FBN1: variants seen among roughly 807,000 people sequenced by gnomAD.
The protein encoded by FBN1 is fibrillin-1.
A neutral mutation model predicts 365.1 loss-of-function variants in FBN1; 29 were observed. The ratio of observed to expected loss-of-function variants is 0.08; its 90% CI spans 0.06 to 0.11. FBN1 has a LOEUF of 0.11. Among genes scored for constraint, FBN1 ranks in the 10% least tolerant of loss-of-function variants. FBN1 has a pLI of 1.00. For missense variants in FBN1, 2,476 were observed against 3,703.2 expected (o/e 0.67, Z 8.60); for synonymous variants, 1,210 against 1,270.5 (o/e 0.95, Z 1.01).
intron 44 of FBN1, among the ~76,000 whole-genome samples, chr15:48,455,501 A>G (rs903145009): frequency 6.6e-6 from 1 of 152,128 alleles, no homozygotes; most frequent in African/African-American, 2.4e-5. Context: ...AGAGGGGGAA[A>G]AGTGCGGCTG....
At chr15:48,424,896 A>T (rs2042966610) in intron 60 of FBN1, among the ~76,000 whole-genome samples, 1 of 152,222 alleles carries the variant, frequency 6.6e-6, no homozygotes, top group South Asian at 2.1e-4. Context: ...ACAGGGCAGA[A>T]ATAGACTTTT....
chr15:48,537,744 C>A lies in FBN1; in HGVS notation c.603G>T (p.Gly201=). Reference sequence around the variant, plus strand: ...AGCAGAGCGTTTTTGTGCAGACAATCCCGCTGAGTTGTCCCTGGCACATCT... The same window carrying A: ...AGCAGAGCGTTTTTGTGCAGACAATACCGCTGAGTTGTCCCTGGCACATCT... ...SNQMCQGQLS[G]IVCTKTLCCA... is the part of the protein sequence containing the mutation. The change falls in exon 7 of 66, where the codon GGG becomes GGT. Residue 201 remains glycine (G), a synonymous_variant. Coordinates refer to ENST00000316623, the MANE Select transcript of FBN1 (RefSeq NM_000138.5). The A allele has an allele frequency of 6.2e-7, 1 of 1,614,212 alleles. No individual in the cohort carries two copies. The highest frequency in any genetic ancestry group is 8.5e-7 in the Non-Finnish European group (1 of 1,180,032).
chr15:48,435,817 T>A (rs1759984349), intron 53 of FBN1, among the ~76,000 whole-genome samples: 1 of 151,126 alleles, frequency 6.6e-6, no homozygotes, highest in African/African-American at 2.4e-5. Flanking sequence ...TGTGTATATA[T>A]GCCTTCTAAC....
chr15:48,631,768 A>G (rs1049744806), intron 2 of FBN1, among the ~76,000 whole-genome samples: 2 of 152,198 alleles, frequency 1.3e-5, no homozygotes, highest in African/African-American at 4.8e-5. Context: ...GGGCTACCCA[A>G]TTATAACCAA....
At chr15:48,472,763 G>GT (rs2043388334) in intron 34 of FBN1, 87 bp from the exon 35 acceptor site, 46 of 1,583,490 alleles carry the variant, frequency 2.9e-5, no homozygotes, top group Non-Finnish European at 3.9e-5. Context: ...GTGCAGCAAT[G>GT]TTTTGGCATA....
chr15:48,426,417 G>A (rs1010518237), intron 58 of FBN1, among the ~76,000 whole-genome samples: 2 of 152,080 alleles, frequency 1.3e-5, no homozygotes, highest in African/African-American at 4.8e-5. Flanking sequence ...CCTCTGGTGA[G>A]GGGGGAAACT....
At chr15:48,470,486 G>T in intron 36 of FBN1, 148 bp downstream of exon 36, 1 of 1,062,480 alleles carries the variant, frequency 9.4e-7, no homozygotes, top group Non-Finnish European at 1.4e-6. Flanking sequence ...TCAGTTCCAG[G>T]TCTGAGAAAA....
intron 4 of FBN1, among the ~76,000 whole-genome samples, chr15:48,610,381 T>A (rs2140733435): frequency 6.6e-6 from 1 of 152,312 alleles, no homozygotes; most frequent in South Asian, 2.1e-4. Flanking sequence ...TGCCTAGATT[T>A]CTTGAGCCAA....
chr15:48,552,722 A>C (rs2044153141), intron 6 of FBN1, among the ~76,000 whole-genome samples: 1 of 152,226 alleles, frequency 6.6e-6, no homozygotes, highest in Non-Finnish European at 1.5e-5. Context: ...TGAGACACCA[A>C]GTCCACAAAT....
At position 48,437,008 on chromosome 15, in the gene FBN1, C is replaced by T. The variant is rs794728250; in HGVS notation, c.6449G>A (p.Arg2150His). The T allele has an allele frequency of 4.3e-6, 7 of 1,612,892 alleles. No individual in the cohort carries two copies. The highest frequency in any genetic ancestry group is 1.1e-5 in the South Asian group (1 of 91,064). The part of the protein sequence containing the change: ...GQCINTDGSY[R>H]CECPFGYILA... Reference sequence around the variant, plus strand: ...AATATAACCAAAGGGACACTCGCAGCGATAGGAACCATCTGTATTGATGCA... The same window carrying T: ...AATATAACCAAAGGGACACTCGCAGTGATAGGAACCATCTGTATTGATGCA... The change falls in exon 53 of 66, where the codon CGC (arginine) becomes CAC (histidine). Residue 2150 changes from arginine to histidine, a missense_variant. This residue lies in a region of FBN1 where 1,780 missense variants were observed against 2,840.8 expected (regional missense o/e 0.63). Coordinates refer to ENST00000316623, the MANE Select transcript of FBN1 (RefSeq NM_000138.5).
intron 57 of FBN1, chr15:48,428,025 A>G (rs2042993747): frequency 2.9e-6 from 2 of 679,354 alleles, no homozygotes; most frequent in Admixed American, 4.2e-5. Flanking sequence ...CTGCTCCCAG[A>G]AATACAGGGG....
In FBN1 at chr15:48,437,363, T is replaced by A. The variant is rs363816; in HGVS notation, c.6338A>T (p.Tyr2113Phe). Residue 2113 changes from tyrosine (Y) to phenylalanine (F), a missense_variant, in exon 52 of 66, where the codon TAT becomes TTT. Around this residue, in one of 5 missense-constraint regions of FBN1, gnomAD observed 1,780 missense variants for 2,840.8 expected, o/e 0.63. Coordinates refer to ENST00000316623, the MANE Select transcript of FBN1 (RefSeq NM_000138.5). Reference protein sequence around the residue: ...PDEAFRQICPYGSGIIVGPDD... With the variant: ...PDEAFRQICPFGSGIIVGPDD... The stretch of plus-strand genomic sequence containing the variant: ...AGGTCCCACGATGATCCCACTTCCA[T>A]AAGGACATATCTGGCGGAAGGCCTC... The A allele has an allele frequency of 5.0e-6, 8 of 1,613,522 alleles. No individual in the cohort carries two copies. In the African/African-American group the frequency reaches 5.3e-5, roughly 11 times the overall value.
At chr15:48,537,904 G>A in intron 6 of FBN1, 96 bp from the exon 7 acceptor site, 1 of 1,248,028 alleles carries the variant, frequency 8.0e-7, no homozygotes, top group Non-Finnish European at 1.2e-6. Flanking sequence ...ACTCCAAATT[G>A]AGAAATGAAT....
At chr15:48,576,482 A>G (rs922096491) in intron 6 of FBN1, among the ~76,000 whole-genome samples, 1 of 152,210 alleles carries the variant, frequency 6.6e-6, no homozygotes, top group Non-Finnish European at 1.5e-5. Flanking sequence ...TGATCCCAAC[A>G]GACCATAAGC....
chr15:48,493,249 T>C (rs1199677206), intron 23 of FBN1, among the ~76,000 whole-genome samples: 1 of 152,090 alleles, frequency 6.6e-6, no homozygotes, highest in Non-Finnish European at 1.5e-5. Flanking sequence ...ATATGTTCTC[T>C]GCACTTAATT....
chr15:48,445,100 AAG>A lies in FBN1; in HGVS notation c.5917+274_5917+275del, dbSNP rs1172100024. 2.7e-5 allele frequency among the ~76,000 whole-genome samples: 4 copies of A among 148,264 alleles called. No individual in the cohort carries two copies. The Admixed American group carries it at 2.7e-4, about 10-fold the overall frequency. ...AGCTTAATTTTTAAAATAAGGGAAA[AAG>A]TGATTATATATATATATACACATAT... is the stretch of plus-strand genomic sequence containing the variant. On this transcript the variant is annotated intron_variant, in intron 48 of 65. Coordinates refer to ENST00000316623, the MANE Select transcript of FBN1 (RefSeq NM_000138.5).
At chr15:48,514,081 C>T (rs1566916396) in intron 12 of FBN1, among the ~76,000 whole-genome samples, 2 of 152,142 alleles carry the variant, frequency 1.3e-5, no homozygotes, top group South Asian at 4.1e-4. Context: ...CTGCTGAGTT[C>T]CACTAAAATG....
Position 48,425,431 on chromosome 15 carries a change from C to T in FBN1, c.7391G>A (p.Gly2464Glu), listed in dbSNP as rs760743371. 6.2e-7 allele frequency: 1 copy of T among 1,614,100 alleles called. No homozygotes were observed. The highest frequency in any genetic ancestry group is 1.1e-5 in the South Asian group (1 of 91,080). ...PCNFICKNTE[G>E]SYQCSCPKGY... is the part of the protein sequence containing the mutation. ...TTTCGGGCATGAACACTGGTAACTCCCTTCTGTGTTTTTGCAGATAAAATT... is the reference window on the plus strand; with the variant it reads ...TTTCGGGCATGAACACTGGTAACTCTCTTCTGTGTTTTTGCAGATAAAATT... Residue 2464 changes from glycine to glutamate, a missense_variant, in exon 60 of 66, where the codon GGG becomes GAG. Transcript: ENST00000316623.
chr15:48,489,778 G>A, intron 25 of FBN1, 73 bp downstream of exon 25: 1 of 1,127,062 alleles, frequency 8.9e-7, no homozygotes, highest in Non-Finnish European at 1.4e-6. Flanking sequence ...CAAGTAGAGT[G>A]CTGAGATCAT....
Sources: allele counts gnomAD v4.1 joint callset (sites outside exome capture counted in the v4.1 genomes callset), GRCh38; gene constraint gnomAD v4.1.1; regional missense constraint gnomAD v4.1.1; transcripts MANE v1.5; gene names NCBI Gene and HGNC (gene_info 2026-07-23, HGNC 2026-07-21).